Variants in WDR25 observed in about 807,000 individuals in gnomAD.
WDR25 encodes WD repeat-containing protein 25.
A neutral mutation model predicts 47.7 loss-of-function variants in WDR25; 35 were observed. That is an observed-to-expected ratio of 0.73 (90% CI 0.56 to 0.97). The LOEUF (loss-of-function observed/expected upper bound fraction) is 0.97. Ranked by LOEUF, WDR25 falls within the 50% of genes least tolerant of loss-of-function variation. The pLI is 0.00. For synonymous variants in WDR25, 248 were observed against 278.9 expected (o/e 0.89, Z 1.10); for missense variants, 634 against 704.7 (o/e 0.90, Z 1.14).
chr14:100,416,616 C>A (rs1032504618), intron 2 of WDR25, among the ~76,000 whole-genome samples: 7 of 152,170 alleles, frequency 4.6e-5, no homozygotes, highest in African/African-American at 1.4e-4. Flanking sequence ...CAAGGGTCCC[C>A]TTCTCTCTGT....
chr14:100,485,312 T>A (rs953510120), intron 4 of WDR25, among the ~76,000 whole-genome samples: 5 of 152,030 alleles, frequency 3.3e-5, no homozygotes, highest in African/African-American at 1.2e-4. Context: ...TCACCTGACA[T>A]ATTATGGATT....
At chr14:100,405,505 G>T (rs1210471304) in intron 2 of WDR25, among the ~76,000 whole-genome samples, 1 of 152,226 alleles carries the variant, frequency 6.6e-6, no homozygotes, top group East Asian at 1.9e-4. Flanking sequence ...GGATGGGGCT[G>T]GGGTGCAGGG....
At chr14:100,486,513 A>G (rs181544466) in intron 4 of WDR25, among the ~76,000 whole-genome samples, 111 of 152,208 alleles carry the variant, frequency 7.3e-4, no homozygotes, top group Non-Finnish European at 2.9e-4. Context: ...TTCCGTTTGC[A>G]TCAGTTGGGC....
chr14:100,412,042 C>CA (rs1182689770), intron 2 of WDR25, among the ~76,000 whole-genome samples: 15 of 152,004 alleles, frequency 9.9e-5, no homozygotes, highest in Admixed American at 8.5e-4. Flanking sequence ...CCCATCTCTA[C>CA]AAAAAATAGA....
intron 4 of WDR25, among the ~76,000 whole-genome samples, chr14:100,494,505 C>A (rs578254959): frequency 2.0e-5 from 3 of 152,292 alleles, no homozygotes; most frequent in Admixed American, 6.5e-5. Flanking sequence ...GCTAGCCAGA[C>A]AAGATGAGCT....
rs1171704629 is a variant in WDR25 at position 100,381,210 on chromosome 14, C to G, written c.286C>G (p.Leu96Val). The change falls in exon 2 of 7, where the codon CTA (leucine) becomes GTA (valine). Residue 96 changes from leucine (L) to valine (V), a missense_variant. Coordinates refer to ENST00000402312, the MANE Select transcript of WDR25 (RefSeq NM_001161476.3). ...TTGGGGATCTTGCCCCAGCCAGAGG[C>G]TACAGTGGCCCGGGAAGGAGCCTCA... ...SDWGSCPSQR[L>V]QWPGKEPQVT... 6.2e-7 allele frequency: 1 copy of G among 1,614,042 alleles called. No homozygotes were observed. Among genetic ancestry groups the G allele is most frequent in the Non-Finnish European group, 8.5e-7 (1 of 1,180,052 alleles).
chr14:100,427,450 G>A (rs112286766), intron 2 of WDR25, among the ~76,000 whole-genome samples: 8,723 of 152,268 alleles, frequency 0.057, 610 homozygotes, highest in African/African-American at 0.17. Context: ...GCAGGGTGCA[G>A]TAGGCACTTT....
At position 100,523,817 on chromosome 14, in the gene WDR25, G is replaced by A. The variant is rs2037756669; in HGVS notation, c.1102-2053G>A. Among the ~76,000 whole-genome samples, 1 of 152,148 alleles carries A rather than the reference G, an allele frequency of 6.6e-6. No homozygotes were observed. Among genetic ancestry groups the A allele is most frequent in the East Asian group, 1.9e-4 (1 of 5,178 alleles). On this transcript the variant is annotated intron_variant, in intron 4 of 6. Coordinates refer to ENST00000402312, the MANE Select transcript of WDR25 (RefSeq NM_001161476.3). The surrounding 1 kb of genome is among the most constrained non-coding windows in gnomAD (Gnocchi z 4.7). Reference sequence around the variant, plus strand: ...GCCCGCAGTTGCCAGAAGAGTCTGAGTGAGACTCCCTTTTGGATCCAGCTC... The same window carrying A: ...GCCCGCAGTTGCCAGAAGAGTCTGAATGAGACTCCCTTTTGGATCCAGCTC...
At chr14:100,495,483 C>A (rs1165246988) in intron 4 of WDR25, among the ~76,000 whole-genome samples, 1 of 152,202 alleles carries the variant, frequency 6.6e-6, no homozygotes, top group African/African-American at 2.4e-5. Flanking sequence ...AGGTAAAATG[C>A]ACAAAATTTT....
At position 100,404,576 on chromosome 14, in the gene WDR25, G is replaced by A. The variant is rs1032209491; in HGVS notation, c.822+22830G>A. Among the ~76,000 whole-genome samples, 3 of 152,216 alleles carry A rather than the reference G, an allele frequency of 2.0e-5. No homozygotes were observed. Among genetic ancestry groups the A allele is most frequent in the Non-Finnish European group, 4.4e-5 (3 of 68,032 alleles). On this transcript the variant is annotated intron_variant, in intron 2 of 6. Transcript: ENST00000402312. This position sits in a 1 kb window ranked among gnomAD's most constrained non-coding sequence, Gnocchi z 4.6. ...CAGGAGGGTCAGCAGGCCCTTGGGG[G>A]AAGTGCAAATGCATCCTTATCTCTG... is the stretch of plus-strand genomic sequence containing the variant.
chr14:100,381,278 G>A lies in WDR25; in HGVS notation c.354G>A (p.Trp118Ter), dbSNP rs767951618. 2 of 1,614,000 alleles carry A rather than the reference G, an allele frequency of 1.2e-6. No homozygotes were observed. Among genetic ancestry groups the A allele is most frequent in the South Asian group, 2.2e-5 (2 of 91,086 alleles). ...AAGAGCCTTCTTGTTCTTCTCTGTG[G>A]ACGAGCCATGTTCCAGCCAGCCACA... is the stretch of plus-strand genomic sequence containing the variant. ...PIKEPSCSSL[W>*]TSHVPASHMP... is the part of the protein sequence containing the mutation. Residue 118 changes from tryptophan to a stop codon, truncating the protein, a stop_gained, in exon 2 of 7, where the codon TGG (tryptophan) becomes TGA (stop). Coordinates refer to ENST00000402312, the MANE Select transcript of WDR25 (RefSeq NM_001161476.3). LOFTEE classifies it high-confidence loss of function.
chr14:100,471,024 C>T (rs577116578), intron 3 of WDR25, among the ~76,000 whole-genome samples: 4 of 152,316 alleles, frequency 2.6e-5, no homozygotes, highest in East Asian at 3.9e-4. Context: ...GCACCCACTG[C>T]GTGTAGGACT....
chr14:100,411,411 G>GTA (rs1256550593), intron 2 of WDR25, among the ~76,000 whole-genome samples: 2 of 152,202 alleles, frequency 1.3e-5, no homozygotes, highest in African/African-American at 4.8e-5. Flanking sequence ...TGTTTACTAA[G>GTA]GAGTGAGGAC....
At chr14:100,481,433 T>G (rs918978169) in intron 3 of WDR25, among the ~76,000 whole-genome samples, 8 of 120,958 alleles carry the variant, frequency 6.6e-5, no homozygotes, top group African/African-American at 2.7e-4. Context: ...TTTTTAAGTG[T>G]AAATGCTTTT....
intron 2 of WDR25, among the ~76,000 whole-genome samples, chr14:100,459,861 G>GATAT (rs148906331): frequency 1.7e-5 from 2 of 116,852 alleles, no homozygotes; most frequent in African/African-American, 3.1e-5. Flanking sequence ...CTGGGAAATG[G>GATAT]ATATATATAT....
intron 2 of WDR25, among the ~76,000 whole-genome samples, chr14:100,423,565 C>A (rs764525091): frequency 6.6e-5 from 10 of 152,166 alleles, no homozygotes; most frequent in Non-Finnish European, 1.3e-4. Flanking sequence ...ATCAAGGTAA[C>A]CTGCTGACGT....
At position 100,529,111 on chromosome 14, in the gene WDR25, C is replaced by T; in HGVS notation, c.1316C>T (p.Pro439Leu). 1 of 1,581,222 alleles carries T rather than the reference C, an allele frequency of 6.3e-7. No homozygotes were observed. Among genetic ancestry groups the T allele is most frequent in the Non-Finnish European group, 8.6e-7 (1 of 1,156,196 alleles). The change falls in exon 6 of 7, where the codon CCC (proline) becomes CTC (leucine). Residue 439 changes from proline (P) to leucine (L), a missense_variant. Coordinates refer to ENST00000402312, the MANE Select transcript of WDR25 (RefSeq NM_001161476.3). This position sits in a 1 kb window ranked among gnomAD's most constrained non-coding sequence, Gnocchi z 5.1. ...AGCCTCGCCTTGCACCCGAGAGAGC[C>T]CGTGTTCCTGGCACAGACCAATGGC... is the stretch of plus-strand genomic sequence containing the variant. ...CPSLALHPRE[P>L]VFLAQTNGNY...
chr14:100,486,714 G>GTGTA (rs1347376602), intron 4 of WDR25, among the ~76,000 whole-genome samples: 2 of 152,228 alleles, frequency 1.3e-5, no homozygotes, highest in Non-Finnish European at 2.9e-5. Flanking sequence ...CAGCCTGGGC[G>GTGTA]TGTATGTGAA....
In WDR25 at chr14:100,498,704, T is replaced by C. The variant is rs991633269; in HGVS notation, c.1101+14580T>C. Reference sequence around the variant, plus strand: ...CCTCTTCCAGGGCCAACATGTGAGGTTGTGCAGTCTGTACAGTGCAGAGAG... The same window carrying C: ...CCTCTTCCAGGGCCAACATGTGAGGCTGTGCAGTCTGTACAGTGCAGAGAG... On this transcript the variant is annotated intron_variant, in intron 4 of 6. Coordinates refer to ENST00000402312, the MANE Select transcript of WDR25 (RefSeq NM_001161476.3). The surrounding 1 kb of genome is among the most constrained non-coding windows in gnomAD (Gnocchi z 4.2). 1.3e-5 allele frequency among the ~76,000 whole-genome samples: 2 copies of C among 152,162 alleles called. No individual in the cohort carries two copies. Among genetic ancestry groups the C allele is most frequent in the East Asian group, 1.9e-4 (1 of 5,182 alleles).
Sources: allele counts gnomAD v4.1 joint callset (sites outside exome capture counted in the v4.1 genomes callset), GRCh38; gene constraint gnomAD v4.1.1; non-coding constraint Gnocchi (gnomAD v3.1); transcripts MANE v1.5; gene names NCBI Gene and HGNC (gene_info 2026-07-23, HGNC 2026-07-21).